The following LY6S variants were observed in gnomAD, a reference collection of about 807,000 sequenced individuals.
LY6S encodes the protein lymphocyte antigen 6 family member S.
At chr8:143,050,340 C>T in the LY6S span, among the ~76,000 whole-genome samples, 98 of 152,164 alleles carry the variant, frequency 6.4e-4, 1 homozygote, top group Middle Eastern at 3.4e-3. Context: ...ACCATCACGT[C>T]TGGCTAATTT....
At chr8:143,041,424 C>T in the LY6S span, among the ~76,000 whole-genome samples, 1 of 152,230 alleles carries the variant, frequency 6.6e-6, no homozygotes, top group Non-Finnish European at 1.5e-5. Context: ...TTAAGGTGAT[C>T]TCTCTTGTTC....
chr8:143,056,244 A>G, the LY6S span, among the ~76,000 whole-genome samples: 2 of 148,202 alleles, frequency 1.3e-5, no homozygotes, highest in East Asian at 2.0e-4. Flanking sequence ...AAACACATTT[A>G]TCAACCTGAG....
At chr8:143,049,937 A>G in the LY6S span, among the ~76,000 whole-genome samples, 1 of 152,360 alleles carries the variant, frequency 6.6e-6, no homozygotes, top group East Asian at 1.9e-4. Flanking sequence ...CATCTTCTGT[A>G]GCAGAGAAAT....
chr8:143,074,852 G>T, the LY6S span, among the ~76,000 whole-genome samples: 1 of 152,342 alleles, frequency 6.6e-6, no homozygotes, highest in South Asian at 2.1e-4. Context: ...CTCTGCCGAT[G>T]ACTAACCCGC....
At chr8:143,056,967 T>G in the LY6S span, 1 of 219,110 alleles carries the variant, frequency 4.6e-6, no homozygotes, top group South Asian at 9.1e-5. Context: ...TTCAAAGAAT[T>G]CATACATATT....
the LY6S span, among the ~76,000 whole-genome samples, chr8:143,072,718 T>C: frequency 8.0e-5 from 7 of 88,028 alleles, no homozygotes; most frequent in East Asian, 5.4e-4. Context: ...GTCGTCGTCC[T>C]CGGGATTCCT....
At chr8:143,046,567 G>A in the LY6S span, among the ~76,000 whole-genome samples, 1 of 136,780 alleles carries the variant, frequency 7.3e-6, no homozygotes, top group Non-Finnish European at 1.5e-5. Flanking sequence ...GACAGAGTGA[G>A]ACTCCAGCTC....
chr8:143,045,073 C>G, the LY6S span, among the ~76,000 whole-genome samples: 2 of 152,156 alleles, frequency 1.3e-5, no homozygotes, highest in Non-Finnish European at 2.9e-5. This position sits in a 1 kb window ranked among gnomAD's most constrained non-coding sequence, Gnocchi z 5.3. Context: ...CTCAGTGAGT[C>G]CTCGGAAGTG....
At chr8:143,054,302 C>CT in the LY6S span, 1 of 49,202 alleles carries the variant, frequency 2.0e-5, no homozygotes, top group Non-Finnish European at 4.7e-5. Flanking sequence ...ACACTCCATC[C>CT]CAAAAAAAAA....
At chr8:143,043,213 T>C in the LY6S span, 2 of 1,367,562 alleles carry the variant, frequency 1.5e-6, no homozygotes, top group African/African-American at 1.5e-5. Flanking sequence ...ACCACCGCAT[T>C]GCAGAGGTCT....
the LY6S span, chr8:143,049,268 A>G: frequency 3.2e-5 from 17 of 534,586 alleles, 2 homozygotes; most frequent in South Asian, 2.4e-4. Flanking sequence ...CCTGGGATGT[A>G]TCTGTAAAAA....
chr8:143,076,105 T>C, the LY6S span, among the ~76,000 whole-genome samples: 1 of 152,182 alleles, frequency 6.6e-6, no homozygotes, highest in African/African-American at 2.4e-5. Context: ...AGCTCCCTGG[T>C]GCCTGTGTGT....
chr8:143,071,051 T>C, the LY6S span, among the ~76,000 whole-genome samples: 1 of 91,750 alleles, frequency 1.1e-5, no homozygotes, highest in African/African-American at 4.9e-5. Context: ...TGTGATGGAA[T>C]AAAGGGTGGA....
chr8:143,053,225 G>A, the LY6S span: 1 of 152,172 alleles, frequency 6.6e-6, no homozygotes, highest in South Asian at 2.1e-4. Context: ...AACCTTTACA[G>A]AAACCAGAGG....
the LY6S span, among the ~76,000 whole-genome samples, chr8:143,043,629 G>A: frequency 6.6e-6 from 1 of 152,156 alleles, no homozygotes; most frequent in Non-Finnish European, 1.5e-5. Flanking sequence ...AGGGGAGCTG[G>A]GTGCTGCTTT....
the LY6S span, chr8:143,057,701 C>T: frequency 2.7e-5 from 22 of 818,416 alleles, no homozygotes; most frequent in South Asian, 1.5e-4. Flanking sequence ...AGCAGTAAGG[C>T]GTTGTTTAAT....
the LY6S span, among the ~76,000 whole-genome samples, chr8:143,073,456 G>A: frequency 8.1e-6 from 1 of 123,570 alleles, no homozygotes; most frequent in African/African-American, 3.1e-5. Context: ...TGAGGAGACA[G>A]CCGTCGTCCC....
the LY6S span, among the ~76,000 whole-genome samples, chr8:143,063,320 C>A: frequency 6.6e-6 from 1 of 152,192 alleles, no homozygotes; most frequent in Non-Finnish European, 1.5e-5. Context: ...TTCCTGACAC[C>A]GTTTGGCAAG....
At chr8:143,055,516 A>C in the LY6S span, among the ~76,000 whole-genome samples, 1 of 152,218 alleles carries the variant, frequency 6.6e-6, no homozygotes, top group Admixed American at 6.5e-5. Context: ...TTCTTTTAAA[A>C]AACCTTGGCT....
Sources: gnomAD v4.1 joint callset for allele counts (sites outside exome capture counted in the v4.1 genomes callset) on GRCh38, gnomAD v4.1.1 for gene constraint, Gnocchi (gnomAD v3.1) non-coding constraint, MANE v1.5 for transcripts, NCBI Gene and HGNC (gene_info 2026-07-23, HGNC 2026-07-21) for gene names.